Variants in CDH12 observed in about 807,000 individuals in gnomAD.
CDH12 encodes cadherin 12.
In CDH12, 41 loss-of-function variants were observed where a neutral mutation model predicts 74.1. The ratio of observed to expected loss-of-function variants is 0.55; its 90% CI spans 0.43 to 0.72. The LOEUF (loss-of-function observed/expected upper bound fraction) is 0.72, where lower values mean the gene tolerates loss of function less well. Ranked by LOEUF, CDH12 falls within the 30% of genes least tolerant of loss-of-function variation. The probability of loss-of-function intolerance (pLI) is 0.00; values close to 1 mark genes in which losing one functional copy is unlikely to be tolerated. For synonymous variants in CDH12, 399 were observed against 355.0 expected, an observed-to-expected ratio of 1.12 and a Z score of -1.39; for missense variants, 945 against 977.2, an observed-to-expected ratio of 0.97 and a Z score of 0.44.
chr5:21,860,137 T>C (rs1222743386), intron 6 of CDH12, among the ~76,000 whole-genome samples: 1 of 152,058 alleles, frequency 6.6e-6, no homozygotes, highest in African/African-American at 2.4e-5. Context: ...AAATGAGTAC[T>C]GTAATTGTCA....
chr5:22,782,397 G>C (rs1405040638), intron 1 of CDH12, among the ~76,000 whole-genome samples: 3 of 152,096 alleles, frequency 2.0e-5, no homozygotes, highest in Non-Finnish European at 2.9e-5. Context: ...GTTCTCATGA[G>C]ATCTGATGGT....
intron 6 of CDH12, among the ~76,000 whole-genome samples, chr5:21,968,800 A>G (rs1756701831): frequency 6.6e-6 from 1 of 152,158 alleles, no homozygotes; most frequent in Admixed American, 6.6e-5. Flanking sequence ...TGCCGCCACA[A>G]AAAGGAAATG....
rs573252571 is a variant in CDH12, at chr5:21,759,972, T to TA, written c.1633+585dup. The stretch of plus-strand genomic sequence containing the variant: ...TGTTCCTGTGTTAGTTTGCTAAAGA[T>TA]AATAGCCTCCAGCTCCATCCATGTT... On this transcript the variant is annotated intron_variant, in intron 13 of 14. Coordinates refer to ENST00000382254, the MANE Select transcript of CDH12 (RefSeq NM_004061.5). Among the ~76,000 whole-genome samples the TA allele has an allele frequency of 5.7e-4, 87 of 152,282 alleles. 1 individual carries two copies. Among genetic ancestry groups the TA allele is most frequent in the African/African-American group, 2.0e-3 (82 of 41,572 alleles).
intron 6 of CDH12, among the ~76,000 whole-genome samples, chr5:21,880,961 A>G (rs1752324428): frequency 6.6e-6 from 1 of 152,008 alleles, no homozygotes; most frequent in Admixed American, 6.6e-5. Flanking sequence ...GTTTCTAGTG[A>G]CTGTCTCTAA....
intron 3 of CDH12, among the ~76,000 whole-genome samples, chr5:22,403,305 G>T (rs1442017096): frequency 6.6e-6 from 1 of 152,162 alleles, no homozygotes; most frequent in African/African-American, 2.4e-5. Context: ...CCCTTGAGAA[G>T]TCTAAATAAC....
At chr5:22,749,394 G>A (rs968070073) in intron 1 of CDH12, among the ~76,000 whole-genome samples, 1 of 152,158 alleles carries the variant, frequency 6.6e-6, no homozygotes, top group Non-Finnish European at 1.5e-5. Flanking sequence ...TTTTGATGAA[G>A]TATAAAATAA....
intron 4 of CDH12, among the ~76,000 whole-genome samples, chr5:22,198,162 T>C (rs1248239109): frequency 6.6e-6 from 1 of 152,224 alleles, no homozygotes; most frequent in Non-Finnish European, 1.5e-5. Context: ...TGAATGTCTC[T>C]ATGTAATTAC....
rs142616725 is a variant in CDH12, at chr5:22,082,055, C to T, written c.-186-3193G>A. ...GTTATCTGTCAATCTGAACACATCTCTGTTTATGTCTTCCACCCACAAATT... is the reference window on the plus strand; with the variant it reads ...GTTATCTGTCAATCTGAACACATCTTTGTTTATGTCTTCCACCCACAAATT... On this transcript the variant is annotated intron_variant, in intron 4 of 14. Transcript: ENST00000382254. 3.1e-3 allele frequency among the ~76,000 whole-genome samples: 475 copies of T among 152,270 alleles called. 2 individuals carry two copies. The highest frequency in any genetic ancestry group is 5.0e-3 in the Non-Finnish European group (342 of 68,016).
intron 10 of CDH12, among the ~76,000 whole-genome samples, chr5:21,796,329 T>A (rs187183349): frequency 6.6e-6 from 1 of 152,096 alleles, no homozygotes; most frequent in East Asian, 1.9e-4. Flanking sequence ...GCAAAGCCTG[T>A]CTTATAATAA....
intron 1 of CDH12, among the ~76,000 whole-genome samples, chr5:22,803,303 A>G (rs536155803): frequency 6.6e-6 from 1 of 152,218 alleles, no homozygotes; most frequent in African/African-American, 2.4e-5. Flanking sequence ...GCCTACTACT[A>G]TAATTAAAAA....
At chr5:21,969,384 C>A (rs1027130673) in intron 6 of CDH12, among the ~76,000 whole-genome samples, 1 of 152,088 alleles carries the variant, frequency 6.6e-6, no homozygotes, top group African/African-American at 2.4e-5. Flanking sequence ...CTTGTATTCG[C>A]GTTGCACTTA....
At chr5:22,820,977 A>G (rs891496661) in intron 1 of CDH12, among the ~76,000 whole-genome samples, 6 of 152,178 alleles carry the variant, frequency 3.9e-5, no homozygotes, top group Non-Finnish European at 7.3e-5. Context: ...TTGATACAAA[A>G]ATCCTCAATA....
At chr5:21,977,706 T>C (rs964467661) in intron 5 of CDH12, among the ~76,000 whole-genome samples, 27 of 152,272 alleles carry the variant, frequency 1.8e-4, no homozygotes, top group African/African-American at 6.5e-4. Flanking sequence ...AAATTCAAGT[T>C]AATTACTGCT....
At chr5:22,257,648 T>G (rs1010357357) in intron 3 of CDH12, among the ~76,000 whole-genome samples, 1 of 152,000 alleles carries the variant, frequency 6.6e-6, no homozygotes, top group African/African-American at 2.4e-5. Context: ...TACAGGCCAC[T>G]GTCACCATGC....
intron 6 of CDH12, among the ~76,000 whole-genome samples, chr5:21,902,530 A>G (rs936870000): frequency 2.0e-5 from 3 of 151,980 alleles, no homozygotes; most frequent in Admixed American, 2.0e-4. Flanking sequence ...ATATCTGAGA[A>G]GCTCTGTCTT....
intron 5 of CDH12, among the ~76,000 whole-genome samples, chr5:22,072,780 C>T (rs1462282858): frequency 3.3e-5 from 5 of 151,672 alleles, no homozygotes; most frequent in Non-Finnish European, 4.4e-5. Context: ...TCTCATTGTT[C>T]AATTCCCACC....
intron 1 of CDH12, among the ~76,000 whole-genome samples, chr5:22,589,280 C>T (rs995085533): frequency 5.3e-5 from 8 of 152,074 alleles, no homozygotes; most frequent in African/African-American, 1.9e-4. Flanking sequence ...ACACGAGGAA[C>T]AAAACTGGAC....
At chr5:22,330,428 T>C (rs1342873094) in intron 3 of CDH12, among the ~76,000 whole-genome samples, 1 of 151,702 alleles carries the variant, frequency 6.6e-6, no homozygotes, top group Non-Finnish European at 1.5e-5. Context: ...TTCCCAGCTG[T>C]GGAGGATATG....
Position 21,950,576 on chromosome 5 carries a change from G to T in CDH12, c.526+24515C>A, listed in dbSNP as rs1158100933. Among the ~76,000 whole-genome samples the T allele has an allele frequency of 4.0e-5, 6 of 150,990 alleles. No individual in the cohort carries two copies. The South Asian group carries it at 6.3e-4, about 16-fold the overall frequency. On this transcript the variant is annotated intron_variant, in intron 6 of 14. Coordinates refer to ENST00000382254, the MANE Select transcript of CDH12 (RefSeq NM_004061.5). ...ACAAAAATCAAAAACGAAAAAACAT[G>T]GCCAACAATATTGTCCAAATTGCAT...
Sources: allele counts gnomAD v4.1 joint callset (sites outside exome capture counted in the v4.1 genomes callset), GRCh38; gene constraint gnomAD v4.1.1; transcripts MANE v1.5; gene names NCBI Gene and HGNC (gene_info 2026-07-23, HGNC 2026-07-21).